The following CTNND2 variants were observed in gnomAD, a reference collection of about 807,000 sequenced individuals.
The protein encoded by CTNND2 is catenin delta-2.
A neutral mutation model predicts 144.4 loss-of-function variants in CTNND2; 22 were observed. That is an observed-to-expected ratio of 0.15 (90% CI 0.11 to 0.22). The LOEUF (loss-of-function observed/expected upper bound fraction) is 0.22. Among genes scored for constraint, CTNND2 ranks in the 10% least tolerant of loss-of-function variants. CTNND2 has a pLI of 1.00. For synonymous variants in CTNND2, 751 were observed against 695.6 expected (o/e 1.08, Z -1.25); for missense variants, 1,353 against 1,618.8 (o/e 0.84, Z 2.82).
intron 2 of CTNND2, among the ~76,000 whole-genome samples, chr5:11,603,130 A>G (rs1779885906): frequency 2.6e-5 from 4 of 152,028 alleles, no homozygotes; most frequent in Admixed American, 2.6e-4. Flanking sequence ...ATCACAACAA[A>G]CTGTTGACCC....
chr5:11,287,198 G>T (rs764935120), intron 9 of CTNND2, among the ~76,000 whole-genome samples: 2 of 152,128 alleles, frequency 1.3e-5, no homozygotes, highest in Non-Finnish European at 2.9e-5. Context: ...TTTTGTGAAG[G>T]TATTCTCTTA....
intron 18 of CTNND2, among the ~76,000 whole-genome samples, chr5:11,005,430 T>A (rs1424445137): frequency 6.6e-6 from 1 of 152,150 alleles, no homozygotes; most frequent in Non-Finnish European, 1.5e-5. Flanking sequence ...GAAAATAGAC[T>A]GAAGATGGTA....
chr5:11,867,617 G>C (rs62337758), intron 1 of CTNND2, among the ~76,000 whole-genome samples: 1 of 150,384 alleles, frequency 6.6e-6, no homozygotes, highest in African/African-American at 2.4e-5. Flanking sequence ...TTTGCCATTA[G>C]TTATAGATAC....
intron 9 of CTNND2, among the ~76,000 whole-genome samples, chr5:11,286,061 A>G (rs4702797): frequency 0.095 from 14,401 of 152,136 alleles, 1,097 homozygotes; most frequent in East Asian, 0.37. Flanking sequence ...TGAAAAAAAA[A>G]ACAGATCCCT....
intron 1 of CTNND2, among the ~76,000 whole-genome samples, chr5:11,815,095 A>G (rs188850557): frequency 1.3e-5 from 2 of 152,290 alleles, no homozygotes; most frequent in Non-Finnish European, 2.9e-5. Flanking sequence ...ACAAATCCCT[A>G]CAAAACAGAA....
intron 9 of CTNND2, among the ~76,000 whole-genome samples, chr5:11,285,380 A>C (rs1456339883): frequency 1.3e-5 from 2 of 152,206 alleles, no homozygotes; most frequent in African/African-American, 4.8e-5. Context: ...TTGCTGCTTT[A>C]ACTACTGTCC....
chr5:11,255,176 T>C (rs1321872387), intron 9 of CTNND2, among the ~76,000 whole-genome samples: 2 of 152,236 alleles, frequency 1.3e-5, no homozygotes, highest in South Asian at 2.1e-4. Context: ...TATGATTTAA[T>C]ACTTCCTTGT....
chr5:11,808,652 T>G (rs970537341), intron 1 of CTNND2, among the ~76,000 whole-genome samples: 1 of 152,188 alleles, frequency 6.6e-6, no homozygotes, highest in Admixed American at 6.6e-5. Context: ...GCATCTGCTT[T>G]CTTTCTTCTC....
At chr5:11,055,631 C>T (rs574242179) in intron 16 of CTNND2, among the ~76,000 whole-genome samples, 3 of 152,320 alleles carry the variant, frequency 2.0e-5, no homozygotes, top group South Asian at 4.1e-4. Context: ...TCTCCCACCT[C>T]CATCTCCCCA....
intron 13 of CTNND2, among the ~76,000 whole-genome samples, chr5:11,113,684 C>G (rs796307622): frequency 3.3e-5 from 5 of 152,326 alleles, no homozygotes; most frequent in African/African-American, 1.2e-4. Context: ...ACGTAACAGC[C>G]ACTGTGATGG....
intron 14 of CTNND2, among the ~76,000 whole-genome samples, chr5:11,101,780 A>T (rs1751905068): frequency 6.6e-6 from 1 of 152,166 alleles, no homozygotes; most frequent in South Asian, 2.1e-4. Context: ...AGGAGAGAGA[A>T]TTTTCTATAT....
At chr5:11,283,705 AAG>A (rs1554020548) in intron 9 of CTNND2, among the ~76,000 whole-genome samples, 9 of 123,324 alleles carry the variant, frequency 7.3e-5, no homozygotes, top group Admixed American at 1.7e-4. Flanking sequence ...AAAAAAAAAA[AAG>A]AGAGAGACAT....
intron 10 of CTNND2, among the ~76,000 whole-genome samples, chr5:11,229,120 A>T (rs911303471): frequency 1.3e-5 from 2 of 152,200 alleles, no homozygotes; most frequent in African/African-American, 4.8e-5. Context: ...TTACATCTTT[A>T]TCAGTGCTGG....
At chr5:11,615,624 AAAT>A (rs1780543339) in intron 2 of CTNND2, among the ~76,000 whole-genome samples, 3 of 152,210 alleles carry the variant, frequency 2.0e-5, no homozygotes. Context: ...AGAAGTTAAC[AAAT>A]AATCAAAAAA....
Position 11,459,128 on chromosome 5 carries a change from C to T in CTNND2, c.288-47059G>A, listed in dbSNP as rs191850293. ...GGTGAAAATTAAACGAGACAATACACAGAAAGTGCTTAGCAGAGTGCTTGA... is the reference window on the plus strand; with the variant it reads ...GGTGAAAATTAAACGAGACAATACATAGAAAGTGCTTAGCAGAGTGCTTGA... On this transcript the variant is annotated intron_variant, in intron 3 of 21. Transcript: ENST00000304623. 5.3e-5 allele frequency among the ~76,000 whole-genome samples: 8 copies of T among 152,244 alleles called. No individual in the cohort carries two copies. The East Asian group carries it at 1.2e-3, about 22-fold the overall frequency.
intron 9 of CTNND2, among the ~76,000 whole-genome samples, chr5:11,293,212 C>T (rs543320077): frequency 1.3e-5 from 2 of 152,246 alleles, no homozygotes; most frequent in South Asian, 2.1e-4. Context: ...TTAGAAAGCC[C>T]AAGTTCATAC....
intron 2 of CTNND2, among the ~76,000 whole-genome samples, chr5:11,660,544 C>T (rs1476842417): frequency 2.6e-5 from 4 of 151,870 alleles, no homozygotes; most frequent in Non-Finnish European, 5.9e-5. Context: ...CTCAGTTTCC[C>T]AAAAATCTGA....
At chr5:11,488,330 G>C (rs1004674875) in intron 3 of CTNND2, among the ~76,000 whole-genome samples, 14 of 151,932 alleles carry the variant, frequency 9.2e-5, no homozygotes, top group African/African-American at 3.4e-4. Context: ...TTGAGCCAGG[G>C]GCCACCAGCA....
intron 11 of CTNND2, among the ~76,000 whole-genome samples, chr5:11,163,774 A>C (rs1228646447): frequency 6.6e-6 from 1 of 152,220 alleles, no homozygotes; most frequent in Non-Finnish European, 1.5e-5. Context: ...CTTTGTAACT[A>C]AATTTAAAAT....
Sources: allele counts gnomAD v4.1 joint callset (sites outside exome capture counted in the v4.1 genomes callset), GRCh38; gene constraint gnomAD v4.1.1; transcripts MANE v1.5; gene names NCBI Gene and HGNC (gene_info 2026-07-23, HGNC 2026-07-21).